Variants in AGBL4 observed in about 807,000 individuals in gnomAD.
AGBL4 encodes AGBL carboxypeptidase 4, also known as cytosolic carboxypeptidase 6.
AGBL4 carries 58 observed loss-of-function variants against 66.4 expected under a neutral mutation model. That is an observed-to-expected ratio of 0.87 (90% CI 0.71 to 1.09). The LOEUF (loss-of-function observed/expected upper bound fraction) is 1.09, where lower values mean the gene tolerates loss of function less well. Ranked by LOEUF, AGBL4 falls within the 50% of genes least tolerant of loss-of-function variation. The pLI is 0.00. For missense variants in AGBL4, 579 were observed against 631.0 expected, an observed-to-expected ratio of 0.92 and a Z score of 0.88; for synonymous variants, 234 against 222.9, an observed-to-expected ratio of 1.05 and a Z score of -0.44.
intron 3 of AGBL4, among the ~76,000 whole-genome samples, chr1:49,262,916 C>G (rs1653347899): frequency 6.6e-6 from 1 of 152,136 alleles, no homozygotes; most frequent in African/African-American, 2.4e-5. Flanking sequence ...AAATGTCCAA[C>G]AATGATAGAC....
chr1:49,143,260 G>A (rs997618616), intron 4 of AGBL4, among the ~76,000 whole-genome samples: 1 of 152,176 alleles, frequency 6.6e-6, no homozygotes, highest in Non-Finnish European at 1.5e-5. Flanking sequence ...GGCACATACT[G>A]CTGCCTTTGC....
At chr1:49,982,659 G>A (rs1301537435) in intron 1 of AGBL4, among the ~76,000 whole-genome samples, 1 of 152,176 alleles carries the variant, frequency 6.6e-6, no homozygotes, top group Non-Finnish European at 1.5e-5. Context: ...GACTTACGGT[G>A]CTTTTTCTGG....
At chr1:48,970,562 A>G (rs114028457) in intron 5 of AGBL4, among the ~76,000 whole-genome samples, 1,735 of 152,248 alleles carry the variant, frequency 0.011, 30 homozygotes, top group African/African-American at 0.04. Flanking sequence ...TATAGTGCAG[A>G]TTTAAGGCCC....
At chr1:48,976,904 C>T (rs1385108661) in intron 5 of AGBL4, among the ~76,000 whole-genome samples, 1 of 152,132 alleles carries the variant, frequency 6.6e-6, no homozygotes, top group Admixed American at 6.6e-5. Context: ...TTCCTTTCTT[C>T]AGCATGTATC....
At chr1:48,568,824 C>T (rs1644515770) in intron 11 of AGBL4, among the ~76,000 whole-genome samples, 1 of 152,170 alleles carries the variant, frequency 6.6e-6, no homozygotes, top group Non-Finnish European at 1.5e-5. Flanking sequence ...CCCCTCTCTA[C>T]CTTATGTGTC....
Position 49,126,705 on chromosome 1 carries a change from C to T in AGBL4, c.378-80905G>A, listed in dbSNP as rs534351871. On this transcript the variant is annotated intron_variant, in intron 4 of 13. Transcript: ENST00000371839. ...CTTGGGAAATTGGTAGTAATGTTGT[C>T]CAGCCCATACTTTCTCAATTATAAC... is the stretch of plus-strand genomic sequence containing the variant. Among the ~76,000 whole-genome samples, 194 of 152,190 alleles carry T rather than the reference C, an allele frequency of 1.3e-3. 1 individual carries two copies. Among genetic ancestry groups the T allele is most frequent in the Non-Finnish European group, 1.8e-3 (123 of 67,990 alleles).
At chr1:49,543,071 T>G (rs1005535389) in intron 3 of AGBL4, among the ~76,000 whole-genome samples, 1 of 152,054 alleles carries the variant, frequency 6.6e-6, no homozygotes, top group Non-Finnish European at 1.5e-5. Flanking sequence ...AGTAATTAAT[T>G]TGAATCACTA....
chr1:49,496,289 T>C (rs1026315783), intron 3 of AGBL4, among the ~76,000 whole-genome samples: 41 of 152,014 alleles, frequency 2.7e-4, no homozygotes, highest in Admixed American at 2.6e-3. Context: ...ACAATTATCA[T>C]GCATAATATG....
intron 5 of AGBL4, among the ~76,000 whole-genome samples, chr1:48,978,682 T>C (rs1659526447): frequency 6.6e-6 from 1 of 152,148 alleles, no homozygotes; most frequent in Non-Finnish European, 1.5e-5. Context: ...TAGTCCTCCA[T>C]CCTAGTAACA....
intron 1 of AGBL4, among the ~76,000 whole-genome samples, chr1:49,893,118 A>C (rs1222769696): frequency 6.6e-6 from 1 of 152,174 alleles, no homozygotes; most frequent in Non-Finnish European, 1.5e-5. Context: ...AATCCTTAGA[A>C]GGGAAGGAAG....
intron 3 of AGBL4, chr1:49,691,670 G>A (rs1046997493): frequency 1.3e-5 from 2 of 152,256 alleles, no homozygotes; most frequent in African/African-American, 4.8e-5. Flanking sequence ...GGGTGTGTCT[G>A]TGAGGATGTT....
chr1:49,129,298 G>T (rs892524422), intron 4 of AGBL4, among the ~76,000 whole-genome samples: 3 of 151,584 alleles, frequency 2.0e-5, no homozygotes, highest in African/African-American at 7.3e-5. Flanking sequence ...TTTTTTTGTT[G>T]TTGTTGTTGT....
chr1:49,314,527 C>T (rs1001746461), intron 3 of AGBL4, among the ~76,000 whole-genome samples: 8 of 151,970 alleles, frequency 5.3e-5, no homozygotes, highest in African/African-American at 1.9e-4. Flanking sequence ...TGATGGTTTC[C>T]AGCTCCATCC....
At chr1:49,450,253 T>C (rs770889061) in intron 3 of AGBL4, among the ~76,000 whole-genome samples, 15 of 152,020 alleles carry the variant, frequency 9.9e-5, no homozygotes, top group Non-Finnish European at 1.9e-4. Flanking sequence ...GATATGAAGC[T>C]AGGAATAGAA....
intron 3 of AGBL4, among the ~76,000 whole-genome samples, chr1:49,252,527 G>C (rs560205084): frequency 6.6e-6 from 1 of 152,256 alleles, no homozygotes; most frequent in South Asian, 2.1e-4. Context: ...CTTATCTAGA[G>C]AGACCAACAT....
intron 5 of AGBL4, among the ~76,000 whole-genome samples, chr1:49,027,472 T>C (rs1171627859): frequency 2.0e-5 from 3 of 152,112 alleles, no homozygotes; most frequent in Admixed American, 2.0e-4. Flanking sequence ...CTAAAAATTA[T>C]TTTTAAAAAC....
intron 3 of AGBL4, among the ~76,000 whole-genome samples, chr1:49,515,007 C>G: frequency 6.6e-6 from 1 of 152,068 alleles, no homozygotes; most frequent in African/African-American, 2.4e-5. Context: ...ACACCAAAAG[C>G]AATGGCAACA....
intron 6 of AGBL4, among the ~76,000 whole-genome samples, chr1:48,678,511 C>T (rs894960767): frequency 3.3e-5 from 5 of 152,220 alleles, no homozygotes; most frequent in Non-Finnish European, 2.9e-5. Flanking sequence ...CCACAGTGGA[C>T]TGAGCTGACC....
intron 6 of AGBL4, among the ~76,000 whole-genome samples, chr1:48,711,272 T>C (rs1486705337): frequency 6.6e-6 from 1 of 152,082 alleles, no homozygotes; most frequent in Non-Finnish European, 1.5e-5. Flanking sequence ...TGCTGGAAAA[T>C]GCTACATATT....
Sources: allele counts gnomAD v4.1 joint callset (sites outside exome capture counted in the v4.1 genomes callset), GRCh38; gene constraint gnomAD v4.1.1; transcripts MANE v1.5; gene names NCBI Gene and HGNC (gene_info 2026-07-23, HGNC 2026-07-21).